CACHD1: variants seen among roughly 807,000 people sequenced by gnomAD.
CACHD1 encodes the protein VWFA and cache domain-containing protein 1.
Under a neutral mutation model 138.7 loss-of-function variants are expected in CACHD1, and 71 were observed. The ratio of observed to expected loss-of-function variants is 0.51; its 90% CI spans 0.42 to 0.62. The LOEUF is 0.62. Ranked by LOEUF, CACHD1 falls within the 20% of genes least tolerant of loss-of-function variation. The pLI is 0.00. For missense variants in CACHD1, 1,389 were observed against 1,625.3 expected, an observed-to-expected ratio of 0.85 and a Z score of 2.50; for synonymous variants, 578 against 591.5, an observed-to-expected ratio of 0.98 and a Z score of 0.33.
intron 23 of CACHD1, 80 bp from the exon 24 acceptor site, chr1:64,679,515 C>A: frequency 6.7e-7 from 1 of 1,500,050 alleles, no homozygotes; most frequent in Non-Finnish European, 9.2e-7. Flanking sequence ...CCACTGTATT[C>A]CCTCCCATCT....
chr1:64,480,816 G>A (rs1382052540), intron 1 of CACHD1, among the ~76,000 whole-genome samples: 2 of 150,810 alleles, frequency 1.3e-5, no homozygotes, highest in African/African-American at 2.4e-5. Flanking sequence ...TTTGAAATTG[G>A]ATTTTATGAC....
At chr1:64,577,967 G>T (rs1646982086) in intron 2 of CACHD1, among the ~76,000 whole-genome samples, 1 of 152,122 alleles carries the variant, frequency 6.6e-6, no homozygotes, top group Admixed American at 6.6e-5. Context: ...CCTCTGCCAG[G>T]GCTGCTCTCC....
intron 26 of CACHD1, among the ~76,000 whole-genome samples, chr1:64,690,480 A>G (rs1650511620): frequency 6.6e-6 from 1 of 152,236 alleles, no homozygotes; most frequent in Admixed American, 6.5e-5. Context: ...GGAATCTCAG[A>G]ATGGAATCCT....
chr1:64,659,231 T>A (rs1321061293), intron 13 of CACHD1, among the ~76,000 whole-genome samples: 2 of 152,028 alleles, frequency 1.3e-5, no homozygotes, highest in Non-Finnish European at 2.9e-5. Context: ...ACCAATAGAG[T>A]TTGCCCAGAC....
intron 26 of CACHD1, among the ~76,000 whole-genome samples, chr1:64,684,363 C>CTTCT (rs552739262): frequency 1.8e-4 from 10 of 54,984 alleles, no homozygotes; most frequent in African/African-American, 6.9e-4. Context: ...TCTTCTTCTT[C>CTTCT]TTTTTTTTTT....
chr1:64,549,877 A>G lies in CACHD1; in HGVS notation c.199-717A>G, dbSNP rs998124326. ...GTTTGTTATATGTTAATCTCTTGTG[A>G]TTACTCAGTAACGGTACAGTTTGGT... is the stretch of plus-strand genomic sequence containing the variant. On this transcript the variant is annotated intron_variant, in intron 1 of 26. Coordinates refer to ENST00000651257, the MANE Select transcript of CACHD1 (RefSeq NM_020925.4). Among the ~76,000 whole-genome samples the G allele has an allele frequency of 8.0e-5, 12 of 149,726 alleles. No homozygotes were observed. In the Admixed American group the frequency reaches 8.1e-4, roughly 10 times the overall value.
At chr1:64,665,443 G>A (rs1272190823) in intron 15 of CACHD1, among the ~76,000 whole-genome samples, 1 of 151,988 alleles carries the variant, frequency 6.6e-6, no homozygotes, top group Non-Finnish European at 1.5e-5. Context: ...CTGGGCGATA[G>A]AATGAGACCC....
intron 2 of CACHD1, among the ~76,000 whole-genome samples, chr1:64,578,479 G>A (rs1237478920): frequency 6.6e-6 from 1 of 152,180 alleles, no homozygotes; most frequent in Admixed American, 6.5e-5. Context: ...GCATTTTCCA[G>A]TTTTCTGTTG....
chr1:64,503,149 G>C (rs1311937777), intron 1 of CACHD1, among the ~76,000 whole-genome samples: 1 of 152,098 alleles, frequency 6.6e-6, no homozygotes, highest in Admixed American at 6.5e-5. Flanking sequence ...GAAGATGAAA[G>C]ACCAAAGCCG....
chr1:64,659,570 CAT>C (rs1422541750), intron 13 of CACHD1, among the ~76,000 whole-genome samples: 5 of 152,160 alleles, frequency 3.3e-5, no homozygotes, highest in Admixed American at 6.5e-5. Context: ...CCTGAGTTGA[CAT>C]GTGATTGATT....
intron 7 of CACHD1, among the ~76,000 whole-genome samples, chr1:64,634,850 G>A (rs553201564): frequency 1.0e-3 from 154 of 151,992 alleles, no homozygotes; most frequent in African/African-American, 3.6e-3. Context: ...AAAAAAATTA[G>A]GCAGGCATGG....
intron 1 of CACHD1, among the ~76,000 whole-genome samples, chr1:64,523,662 G>C (rs1180192525): frequency 6.6e-6 from 1 of 152,158 alleles, no homozygotes; most frequent in Non-Finnish European, 1.5e-5. Flanking sequence ...CTTGGTTGCA[G>C]GGTTATGTGA....
At chr1:64,605,766 C>G (rs1647318393) in intron 4 of CACHD1, among the ~76,000 whole-genome samples, 1 of 152,136 alleles carries the variant, frequency 6.6e-6, no homozygotes, top group Admixed American at 6.5e-5. Context: ...TCCTCATTGC[C>G]TTATTTTTTG....
At chr1:64,591,973 G>C (rs928576634) in intron 3 of CACHD1, among the ~76,000 whole-genome samples, 3 of 152,212 alleles carry the variant, frequency 2.0e-5, no homozygotes, top group African/African-American at 7.2e-5. Flanking sequence ...AAAGGAGTTA[G>C]TTTGTGGTAG....
intron 1 of CACHD1, among the ~76,000 whole-genome samples, chr1:64,480,689 T>G (rs1338549183): frequency 1.3e-5 from 2 of 152,038 alleles, no homozygotes; most frequent in Non-Finnish European, 2.9e-5. Context: ...TTTTTTTTTT[T>G]ACTGAAAAGG....
chr1:64,580,455 GA>G (rs991865722), intron 2 of CACHD1, among the ~76,000 whole-genome samples: 1 of 151,854 alleles, frequency 6.6e-6, no homozygotes, highest in Non-Finnish European at 1.5e-5. Flanking sequence ...ATAAAAATTG[GA>G]AAAGAAAAAA....
chr1:64,675,379 TG>T, intron 19 of CACHD1, 21 bp from the exon 20 acceptor site: 1 of 1,544,712 alleles, frequency 6.5e-7, no homozygotes, highest in Non-Finnish European at 8.9e-7. Context: ...CTGTCATTTC[TG>T]ATACCTTGAT....
chr1:64,631,097 C>T (rs779165389), intron 5 of CACHD1, among the ~76,000 whole-genome samples: 4 of 152,208 alleles, frequency 2.6e-5, no homozygotes, highest in African/African-American at 9.7e-5. Context: ...GACTGCCCCC[C>T]AGTTTGTACA....
At chr1:64,569,735 G>A (rs1231443003) in intron 2 of CACHD1, among the ~76,000 whole-genome samples, 4 of 145,662 alleles carry the variant, frequency 2.7e-5, no homozygotes, top group Non-Finnish European at 6.0e-5. Flanking sequence ...ATGTGCAGAT[G>A]TCTTCTTTCA....
Sources: allele counts gnomAD v4.1 joint callset (sites outside exome capture counted in the v4.1 genomes callset), GRCh38; gene constraint gnomAD v4.1.1; transcripts MANE v1.5; gene names NCBI Gene and HGNC (gene_info 2026-07-23, HGNC 2026-07-21).